NDNF: variants seen among roughly 807,000 people sequenced by gnomAD.
NDNF encodes the protein neuron derived neurotrophic factor.
In NDNF, 16 loss-of-function variants were observed where a neutral mutation model predicts 42.0. The observed-to-expected ratio is 0.38, with a 90% CI of 0.26 to 0.58. The LOEUF is 0.58. NDNF is among the 20% of genes least tolerant of loss of function. NDNF has a pLI of 0.67. For missense variants in NDNF, 616 were observed against 666.2 expected, an observed-to-expected ratio of 0.92 and a Z score of 0.83; for synonymous variants, 248 against 251.7, an observed-to-expected ratio of 0.99 and a Z score of 0.14.
At chr4:121,053,910 A>G (rs1366931413) in intron 1 of NDNF, among the ~76,000 whole-genome samples, 1 of 152,264 alleles carries the variant, frequency 6.6e-6, no homozygotes, top group Non-Finnish European at 1.5e-5. Flanking sequence ...CAAACTGCAT[A>G]CCTCATTCTC....
chr4:121,057,363 C>G (rs2148769543), intron 1 of NDNF, among the ~76,000 whole-genome samples: 1 of 152,254 alleles, frequency 6.6e-6, no homozygotes, highest in South Asian at 2.1e-4. Flanking sequence ...GAGGAAGAGA[C>G]AGCAGAAAGA....
At chr4:121,045,127 C>T (rs531667702) in intron 2 of NDNF, among the ~76,000 whole-genome samples, 1 of 152,172 alleles carries the variant, frequency 6.6e-6, no homozygotes, top group African/African-American at 2.4e-5. Context: ...CCAAAGAGGG[C>T]GGATCACGAG....
At chr4:121,058,556 G>A (rs1054754706) in intron 1 of NDNF, among the ~76,000 whole-genome samples, 3 of 152,154 alleles carry the variant, frequency 2.0e-5, no homozygotes, top group Non-Finnish European at 2.9e-5. Flanking sequence ...TGACGAGGCG[G>A]CTGAAGCATA....
chr4:121,045,577 C>A, intron 2 of NDNF, 73 bp downstream of exon 2: 1 of 1,312,134 alleles, frequency 7.6e-7, no homozygotes, highest in Non-Finnish European at 1.1e-6. Context: ...TAAACTAAGT[C>A]TAAAGGTTAC....
chr4:121,050,124 C>T (rs1471811427), intron 1 of NDNF, among the ~76,000 whole-genome samples: 1 of 152,044 alleles, frequency 6.6e-6, no homozygotes, highest in Non-Finnish European at 1.5e-5. Context: ...CTTATATTGA[C>T]TGATAAAAAA....
In NDNF at chr4:121,045,726, C is replaced by A. The variant is rs771340831; in HGVS notation, c.112G>T (p.Ala38Ser). ...ATTACTGACGAATCATGAAAAAATG[C>A]CTTGTCCCGGATCTGCATCTGAAAA... ...ELFQMQIRDK[A>S]FFHDSSVIPD... Residue 38 changes from alanine to serine, a missense_variant, in exon 2 of 4, where the codon GCA becomes TCA. Transcript: ENST00000379692. The A allele has an allele frequency of 2.5e-6, 4 of 1,614,116 alleles. No individual in the cohort carries two copies. Among genetic ancestry groups the A allele is most frequent in the East Asian group, 4.5e-5 (2 of 44,872 alleles).
chr4:121,039,190 GTGTATATATATATATATATATATATA>G (rs1726946830), intron 3 of NDNF, among the ~76,000 whole-genome samples: 2 of 68,030 alleles, frequency 2.9e-5, no homozygotes, highest in African/African-American at 1.6e-4. Flanking sequence ...GTGTGTGTGT[GTGTATATATATATATATATATATATA>G]TATATATATA....
chr4:121,041,977 T>C (rs1260611347), intron 2 of NDNF, among the ~76,000 whole-genome samples: 2 of 152,146 alleles, frequency 1.3e-5, no homozygotes, highest in African/African-American at 2.4e-5. Context: ...TTGTGACTCA[T>C]ACTCACATTT....
intron 2 of NDNF, among the ~76,000 whole-genome samples, chr4:121,041,224 T>C (rs1010995302): frequency 1.3e-5 from 2 of 152,240 alleles, no homozygotes; most frequent in African/African-American, 4.8e-5. Context: ...GATGGTTTCA[T>C]TTAATTATCT....
intron 1 of NDNF, among the ~76,000 whole-genome samples, chr4:121,055,751 C>T (rs78169440): frequency 0.036 from 5,440 of 151,962 alleles, 128 homozygotes; most frequent in East Asian, 0.062. Flanking sequence ...AAATGGGATC[C>T]GCCAGATACA....
intron 1 of NDNF, among the ~76,000 whole-genome samples, chr4:121,047,257 G>A (rs1727110340): frequency 6.6e-6 from 1 of 152,194 alleles, no homozygotes; most frequent in African/African-American, 2.4e-5. Flanking sequence ...ACGAGCTTGT[G>A]CAAAATGCAT....
intron 1 of NDNF, among the ~76,000 whole-genome samples, chr4:121,054,942 G>A (rs778874546): frequency 1.4e-4 from 21 of 152,002 alleles, no homozygotes; most frequent in Non-Finnish European, 2.5e-4. Flanking sequence ...AGATCCTTCC[G>A]CCTCAGCCTT....
intron 1 of NDNF, among the ~76,000 whole-genome samples, chr4:121,052,997 C>T (rs1001761974): frequency 1.3e-5 from 2 of 152,204 alleles, no homozygotes; most frequent in Non-Finnish European, 1.5e-5. Flanking sequence ...AGCTCTCACT[C>T]TGCGATAACA....
At chr4:121,055,769 T>C (rs1209547917) in intron 1 of NDNF, among the ~76,000 whole-genome samples, 1 of 152,120 alleles carries the variant, frequency 6.6e-6, no homozygotes, top group East Asian at 1.9e-4. Flanking sequence ...ACATGGATGG[T>C]TGAAGAGACA....
At chr4:121,062,123 T>C (rs1727423486) in intron 1 of NDNF, among the ~76,000 whole-genome samples, 1 of 152,258 alleles carries the variant, frequency 6.6e-6, no homozygotes, top group African/African-American at 2.4e-5. Context: ...CAGCATCAGA[T>C]TATTCCATCT....
chr4:121,038,755 G>C (rs1245828735), intron 3 of NDNF: 2 of 152,102 alleles, frequency 1.3e-5, no homozygotes, highest in Non-Finnish European at 2.9e-5. Context: ...CGGAGGCCGA[G>C]GTGGGCGAAT....
intron 3 of NDNF, 69 bp from the exon 4 acceptor site, chr4:121,037,726 C>A: frequency 1.8e-6 from 2 of 1,139,294 alleles, no homozygotes; most frequent in Non-Finnish European, 2.4e-6. Flanking sequence ...CTTAAGTTAT[C>A]CTTTTATCTT....
chr4:121,071,769 TA>T (rs369846490), intron 1 of NDNF: 60 of 143,046 alleles, frequency 4.2e-4, no homozygotes, highest in Middle Eastern at 7.2e-3. Context: ...ACAACAACAA[TA>T]AAAAAAAAAA....
chr4:121,040,439 G>T (rs1189281261), intron 2 of NDNF, among the ~76,000 whole-genome samples: 3 of 152,162 alleles, frequency 2.0e-5, no homozygotes, highest in Non-Finnish European at 2.9e-5. Flanking sequence ...TTCCAGGTTT[G>T]TTGCCCTATA....
Sources: gnomAD v4.1 joint callset for allele counts (sites outside exome capture counted in the v4.1 genomes callset) on GRCh38, gnomAD v4.1.1 for gene constraint, MANE v1.5 for transcripts, NCBI Gene and HGNC (gene_info 2026-07-23, HGNC 2026-07-21) for gene names.